Variants in MBD5 observed in about 807,000 individuals in gnomAD.
MBD5 encodes methyl-CpG-binding domain protein 5.
MBD5 carries 13 observed loss-of-function variants against 117.3 expected under a neutral mutation model. The ratio of observed to expected loss-of-function variants is 0.11; its 90% CI spans 0.07 to 0.18. The LOEUF (loss-of-function observed/expected upper bound fraction) is 0.18. Ranked by LOEUF, MBD5 falls within the 10% of genes least tolerant of loss-of-function variation. MBD5 has a pLI of 1.00. For missense variants in MBD5, 1,879 were observed against 2,093.8 expected, an observed-to-expected ratio of 0.90 and a Z score of 2.00; for synonymous variants, 727 against 766.4, an observed-to-expected ratio of 0.95 and a Z score of 0.85.
intron 12 of MBD5, among the ~76,000 whole-genome samples, chr2:148,507,868 C>A (rs755393006): frequency 2.6e-5 from 4 of 151,734 alleles, no homozygotes; most frequent in Non-Finnish European, 4.4e-5. Context: ...GGAGGTTTTT[C>A]ATTAAAACAT....
In MBD5 at chr2:148,484,145, A is replaced by AT; in HGVS notation, c.3544+16dup. On this transcript the variant is annotated intron_variant, in intron 9 of 13. Transcript: ENST00000642680. ...GGGACAGGTCTACTTGGTAAGTTAA[A>AT]TTTTTTCACAAATTTTTTACAAAAG... 7.1e-7 allele frequency: 1 copy of AT among 1,410,948 alleles called. No homozygotes were observed. The allele number at this position is 1,410,948 out of a possible 1,614,324, so 87.4% of individuals were successfully genotyped here.
chr2:148,410,458 C>T (rs996868323), intron 4 of MBD5, among the ~76,000 whole-genome samples: 7 of 152,084 alleles, frequency 4.6e-5, no homozygotes, highest in African/African-American at 1.4e-4. Context: ...AATAGAGGGT[C>T]TCACTCTTTC....
At chr2:148,307,431 T>A (rs1434374948) in intron 3 of MBD5, among the ~76,000 whole-genome samples, 1 of 152,092 alleles carries the variant, frequency 6.6e-6, no homozygotes, top group Non-Finnish European at 1.5e-5. Context: ...ATCCATTCAG[T>A]TTTTATCATA....
At chr2:148,219,938 A>G (rs969700899) in intron 2 of MBD5, 1 of 152,216 alleles carries the variant, frequency 6.6e-6, no homozygotes, top group Admixed American at 6.6e-5. Flanking sequence ...TTATCCACTC[A>G]TTTGACAGAT....
chr2:148,313,124 G>C (rs1043149089), intron 3 of MBD5, among the ~76,000 whole-genome samples: 1 of 152,176 alleles, frequency 6.6e-6, no homozygotes. Context: ...CAGGAGGCAC[G>C]GGGATCAGGG....
intron 1 of MBD5, chr2:148,062,544 T>C (rs1236505854): frequency 6.6e-6 from 1 of 152,064 alleles, no homozygotes; most frequent in African/African-American, 2.4e-5. Flanking sequence ...TAAAGTCATT[T>C]TGTTTTAACT....
chr2:148,440,756 A>C (rs1370847048), intron 4 of MBD5, among the ~76,000 whole-genome samples: 1 of 152,236 alleles, frequency 6.6e-6, no homozygotes, highest in Non-Finnish European at 1.5e-5. Flanking sequence ...CGTAACATAC[A>C]TGTAACACAT....
chr2:148,263,256 G>C (rs78195089), intron 3 of MBD5, among the ~76,000 whole-genome samples: 17,444 of 152,186 alleles, frequency 0.11, 1,349 homozygotes, highest in Non-Finnish European at 0.18. Context: ...ACTAATCAGG[G>C]AAATGTAGGA....
chr2:148,227,223 C>T (rs1015435683), intron 2 of MBD5, among the ~76,000 whole-genome samples: 1 of 152,156 alleles, frequency 6.6e-6, no homozygotes, highest in African/African-American at 2.4e-5. Context: ...CCTAGGTTTT[C>T]TTCTAGGGTT....
At chr2:148,479,594 G>A (rs1429554131) in intron 8 of MBD5, among the ~76,000 whole-genome samples, 1 of 152,098 alleles carries the variant, frequency 6.6e-6, no homozygotes, top group Non-Finnish European at 1.5e-5. Flanking sequence ...AAGGCAGCAG[G>A]TTCAACCATG....
chr2:148,458,991 A>G, intron 5 of MBD5, 120 bp downstream of exon 5: 3 of 819,124 alleles, frequency 3.7e-6, no homozygotes, highest in Non-Finnish European at 6.3e-6. Flanking sequence ...TTTGTGCTAG[A>G]AACATATGAG....
At chr2:148,069,515 A>G (rs1258514774) in intron 1 of MBD5, among the ~76,000 whole-genome samples, 1 of 152,114 alleles carries the variant, frequency 6.6e-6, no homozygotes, top group Non-Finnish European at 1.5e-5. Flanking sequence ...TTTAACATTT[A>G]TATTAAATAT....
At chr2:148,325,430 C>T (rs1702418785) in intron 3 of MBD5, among the ~76,000 whole-genome samples, 1 of 152,128 alleles carries the variant, frequency 6.6e-6, no homozygotes, top group African/African-American at 2.4e-5. Context: ...CTCCTTATAC[C>T]TCTGGTAGAA....
At chr2:148,163,812 A>T (rs1698066278) in intron 1 of MBD5, among the ~76,000 whole-genome samples, 1 of 152,200 alleles carries the variant, frequency 6.6e-6, no homozygotes. Flanking sequence ...AAAACAATGT[A>T]TTATGGGTAA....
At chr2:148,308,230 A>G (rs1292280844) in intron 3 of MBD5, among the ~76,000 whole-genome samples, 3 of 152,160 alleles carry the variant, frequency 2.0e-5, no homozygotes, top group African/African-American at 7.2e-5. Flanking sequence ...GTTTTCCACA[A>G]TGGTTGAATT....
chr2:148,425,603 A>G (rs574156728), intron 4 of MBD5, among the ~76,000 whole-genome samples: 83 of 152,366 alleles, frequency 5.4e-4, no homozygotes, highest in African/African-American at 1.8e-3. Context: ...TTTCAGGCCA[A>G]TATCCCTGAT....
At chr2:148,471,147 T>C (rs530238728) in intron 8 of MBD5, 1 of 152,304 alleles carries the variant, frequency 6.6e-6, no homozygotes, top group African/African-American at 2.4e-5. Flanking sequence ...GAAATTGTTT[T>C]TTGAGTTTCT....
chr2:148,215,421 T>C (rs1574146314), intron 2 of MBD5, among the ~76,000 whole-genome samples: 1 of 152,220 alleles, frequency 6.6e-6, no homozygotes, highest in East Asian at 1.9e-4. Flanking sequence ...ATGAAAGATA[T>C]CTACTTTGTT....
intron 2 of MBD5, among the ~76,000 whole-genome samples, chr2:148,206,146 C>G (rs1300154767): frequency 6.6e-6 from 1 of 150,946 alleles, no homozygotes; most frequent in Admixed American, 6.6e-5. Flanking sequence ...AATAGAGAGA[C>G]ACACACACAC....
Sources: allele counts gnomAD v4.1 joint callset (sites outside exome capture counted in the v4.1 genomes callset), GRCh38; gene constraint gnomAD v4.1.1; transcripts MANE v1.5; gene names NCBI Gene and HGNC (gene_info 2026-07-23, HGNC 2026-07-21).